The following DLGAP1 variants were observed in gnomAD, a reference collection of about 807,000 sequenced individuals.
The protein encoded by DLGAP1 is disks large-associated protein 1.
DLGAP1 carries 11 observed loss-of-function variants against 90.8 expected under a neutral mutation model. The observed-to-expected ratio is 0.12, with a 90% confidence interval of 0.08 to 0.20. The LOEUF is 0.20. Ranked by LOEUF, DLGAP1 falls within the 10% of genes least tolerant of loss-of-function variation. DLGAP1 has a pLI of 1.00. For missense variants in DLGAP1, 1,050 were observed against 1,333.8 expected (o/e 0.79, Z 3.31); for synonymous variants, 558 against 540.7 (o/e 1.03, Z -0.44).
In DLGAP1 at chr18:3,610,795, C is replaced by T. The variant is rs139942646; in HGVS notation, c.1592-28547G>A. Reference sequence around the variant, plus strand: ...TGGAGGCTGCAGTGAGCTGAGATCACGCCACTGCACTCCAGCCTGGGTGAC... The same window carrying T: ...TGGAGGCTGCAGTGAGCTGAGATCATGCCACTGCACTCCAGCCTGGGTGAC... On this transcript the variant is annotated intron_variant, in intron 7 of 12. Coordinates refer to ENST00000315677, the MANE Select transcript of DLGAP1 (RefSeq NM_004746.4). Among the ~76,000 whole-genome samples, 891 of 151,822 alleles carry T rather than the reference C, an allele frequency of 5.9e-3. 25 individuals carry two copies. In the East Asian group the frequency reaches 0.063, roughly 11 times the overall value.
At chr18:3,898,049 C>T (rs1321527097) in intron 3 of DLGAP1, among the ~76,000 whole-genome samples, 4 of 152,264 alleles carry the variant, frequency 2.6e-5, no homozygotes, top group Middle Eastern at 3.4e-3. Flanking sequence ...CCGCCTTGGC[C>T]TCCCAAAGTG....
chr18:3,801,087 G>A (rs1239342383), intron 5 of DLGAP1, among the ~76,000 whole-genome samples: 1 of 152,010 alleles, frequency 6.6e-6, no homozygotes, highest in African/African-American at 2.4e-5. Context: ...GGGTGGGGAG[G>A]TGCCACACTC....
intron 7 of DLGAP1, among the ~76,000 whole-genome samples, chr18:3,697,686 G>A (rs925410066): frequency 3.2e-4 from 49 of 152,140 alleles, no homozygotes; most frequent in African/African-American, 1.1e-3. Flanking sequence ...GGAGAGTTCC[G>A]TAGATGTCTA....
At chr18:3,579,273 T>G (rs924462947) in intron 8 of DLGAP1, among the ~76,000 whole-genome samples, 1 of 152,234 alleles carries the variant, frequency 6.6e-6, no homozygotes, top group Non-Finnish European at 1.5e-5. Context: ...TGCAATGGCA[T>G]GATCTCGGCT....
chr18:4,445,918 C>T (rs371290125), intron 1 of DLGAP1, among the ~76,000 whole-genome samples: 2 of 151,896 alleles, frequency 1.3e-5, no homozygotes, highest in Non-Finnish European at 1.5e-5. Flanking sequence ...AAAAGAAATC[C>T]TTCCTCCTGG....
At chr18:4,326,124 C>A (rs1322208819) in intron 1 of DLGAP1, among the ~76,000 whole-genome samples, 1 of 151,976 alleles carries the variant, frequency 6.6e-6, no homozygotes, top group African/African-American at 2.4e-5. Flanking sequence ...CCACGAAGAT[C>A]TAATATCCAG....
At chr18:4,433,401 G>C (rs1032524107) in intron 1 of DLGAP1, among the ~76,000 whole-genome samples, 7 of 152,098 alleles carry the variant, frequency 4.6e-5, no homozygotes, top group Non-Finnish European at 7.3e-5. Context: ...CAATTATCTC[G>C]TAGAAATCAG....
intron 1 of DLGAP1, among the ~76,000 whole-genome samples, chr18:4,253,373 AC>A (rs759519612): frequency 7.2e-5 from 11 of 152,290 alleles, no homozygotes; most frequent in Admixed American, 2.0e-4. Flanking sequence ...AACATAGTAA[AC>A]ACAACAGAGA....
intron 4 of DLGAP1, among the ~76,000 whole-genome samples, chr18:3,837,073 G>A (rs1227861189): frequency 6.6e-6 from 1 of 152,228 alleles, no homozygotes; most frequent in Non-Finnish European, 1.5e-5. Flanking sequence ...ATGTAAAGAA[G>A]TTTGTTAAGA....
intron 2 of DLGAP1, among the ~76,000 whole-genome samples, chr18:4,092,231 G>T (rs1309446499): frequency 6.6e-6 from 1 of 152,144 alleles, no homozygotes; most frequent in African/African-American, 2.4e-5. Flanking sequence ...CAACACACAG[G>T]GAGCTCTTCC....
At chr18:4,088,186 T>C (rs1235981280) in intron 2 of DLGAP1, among the ~76,000 whole-genome samples, 1 of 152,138 alleles carries the variant, frequency 6.6e-6, no homozygotes, top group Non-Finnish European at 1.5e-5. Flanking sequence ...CTTTCATCAT[T>C]ATTTGTAGTT....
At position 4,405,031 on chromosome 18, in the gene DLGAP1, A is replaced by C. The variant is rs971320452; in HGVS notation, c.-267+49975T>G. Among the ~76,000 whole-genome samples, 39 of 152,332 alleles carry C rather than the reference A, an allele frequency of 2.6e-4. 1 individual carries two copies. The highest frequency in any genetic ancestry group is 8.9e-4 in the African/African-American group (37 of 41,574). On this transcript the variant is annotated intron_variant, in intron 1 of 12. Transcript: ENST00000315677. ...TACCTTCATTGTACGGGGAAAGAAC[A>C]AGAATATAAGCAACTACTTAAGTTT...
chr18:3,521,104 T>C (rs2051157428), intron 10 of DLGAP1, among the ~76,000 whole-genome samples: 3 of 152,178 alleles, frequency 2.0e-5, no homozygotes, highest in Non-Finnish European at 4.4e-5. Flanking sequence ...CTCCACTGTG[T>C]ACTGACCCCA....
chr18:3,740,575 A>G (rs1434159385), intron 6 of DLGAP1, among the ~76,000 whole-genome samples: 1 of 152,106 alleles, frequency 6.6e-6, no homozygotes, highest in Non-Finnish European at 1.5e-5. Context: ...GTTGATAGGG[A>G]CAGAATGAGA....
intron 5 of DLGAP1, among the ~76,000 whole-genome samples, chr18:3,772,325 TC>T (rs2064639334): frequency 1.6e-5 from 1 of 63,372 alleles, no homozygotes; most frequent in Non-Finnish European, 3.8e-5. Context: ...TTCCTTCCTT[TC>T]TCTCCTTCTC....
intron 3 of DLGAP1, among the ~76,000 whole-genome samples, chr18:3,907,642 G>C (rs1441104111): frequency 2.0e-5 from 3 of 152,202 alleles, no homozygotes; most frequent in Non-Finnish European, 4.4e-5. Flanking sequence ...TTGTAAACAT[G>C]CAGGAAGAGG....
chr18:3,919,144 G>A (rs1328750777), intron 3 of DLGAP1, among the ~76,000 whole-genome samples: 2 of 152,182 alleles, frequency 1.3e-5, no homozygotes, highest in African/African-American at 2.4e-5. Context: ...TTTTTCTGGC[G>A]CTTAGTTTCA....
intron 1 of DLGAP1, among the ~76,000 whole-genome samples, chr18:4,440,769 A>G (rs928668865): frequency 2.0e-5 from 3 of 152,246 alleles, no homozygotes; most frequent in Non-Finnish European, 4.4e-5. Context: ...GTTAATTTAC[A>G]TGAACCAAAT....
At chr18:4,100,541 T>G (rs1394056640) in intron 2 of DLGAP1, among the ~76,000 whole-genome samples, 1 of 152,214 alleles carries the variant, frequency 6.6e-6, no homozygotes, top group Non-Finnish European at 1.5e-5. Flanking sequence ...TGGCTTCAAC[T>G]TAAAGTCACC....
Sources: gnomAD v4.1 joint callset for allele counts (sites outside exome capture counted in the v4.1 genomes callset) on GRCh38, gnomAD v4.1.1 for gene constraint, MANE v1.5 for transcripts, NCBI Gene and HGNC (gene_info 2026-07-23, HGNC 2026-07-21) for gene names.